Variants in HRH1 observed in about 807,000 individuals in gnomAD.
The protein encoded by HRH1 is histamine H1 receptor.
Under a neutral mutation model 10.3 loss-of-function variants are expected in HRH1, and 6 were observed. That is an observed-to-expected ratio of 0.58 (90% CI 0.32 to 1.15). HRH1 has a LOEUF of 1.15. Ranked by LOEUF, HRH1 falls within the 50% of genes most tolerant of loss-of-function variation. HRH1 has a pLI of 0.05. For synonymous variants in HRH1, 242 were observed against 236.7 expected, an observed-to-expected ratio of 1.02 and a Z score of -0.21; for missense variants, 514 against 615.3, an observed-to-expected ratio of 0.84 and a Z score of 1.74.
intron 1 of HRH1, among the ~76,000 whole-genome samples, chr3:11,219,960 T>G (rs950282170): frequency 4.6e-5 from 7 of 150,828 alleles, no homozygotes; most frequent in East Asian, 3.9e-4. Context: ...GTTTTTTTTT[T>G]TTTTTTTTTT....
At chr3:11,138,373 C>CA (rs1936226500) in intron 1 of HRH1, among the ~76,000 whole-genome samples, 1 of 151,852 alleles carries the variant, frequency 6.6e-6, no homozygotes, top group African/African-American at 2.4e-5. Context: ...ACAACCCAGC[C>CA]AAAAAATGGG....
At chr3:11,169,026 C>T (rs908295096) in intron 1 of HRH1, among the ~76,000 whole-genome samples, 2 of 152,210 alleles carry the variant, frequency 1.3e-5, no homozygotes, top group African/African-American at 2.4e-5. Context: ...GCTGAGCTCT[C>T]GCCTGAACAG....
chr3:11,223,024 A>C (rs1459256003), intron 1 of HRH1, among the ~76,000 whole-genome samples: 3 of 151,718 alleles, frequency 2.0e-5, no homozygotes, highest in African/African-American at 7.3e-5. Flanking sequence ...ACCTCTACTA[A>C]AAATACAAAA....
At chr3:11,184,917 C>T (rs986691153) in intron 1 of HRH1, among the ~76,000 whole-genome samples, 1 of 117,298 alleles carries the variant, frequency 8.5e-6, no homozygotes. Context: ...GACTCCATTT[C>T]AAAAAAAAAA....
intron 1 of HRH1, among the ~76,000 whole-genome samples, chr3:11,256,097 G>A (rs1939773616): frequency 6.6e-6 from 1 of 152,112 alleles, no homozygotes. Flanking sequence ...CTGAGGGGTA[G>A]GTAAGTGAGA....
At chr3:11,249,495 C>T (rs955161552) in intron 1 of HRH1, among the ~76,000 whole-genome samples, 3 of 151,380 alleles carry the variant, frequency 2.0e-5, no homozygotes, top group African/African-American at 7.3e-5. Context: ...GTGAAATATC[C>T]TATAGGGTCT....
chr3:11,233,544 C>T (rs1939097294), intron 1 of HRH1, among the ~76,000 whole-genome samples: 1 of 152,078 alleles, frequency 6.6e-6, no homozygotes, highest in Non-Finnish European at 1.5e-5. Context: ...TGCACCTGAC[C>T]AGACTGAGAG....
chr3:11,246,332 C>T (rs1939488884), intron 1 of HRH1, among the ~76,000 whole-genome samples: 1 of 152,336 alleles, frequency 6.6e-6, no homozygotes, highest in South Asian at 2.1e-4. Context: ...AGAGCACACC[C>T]TCTGTCCAGC....
At chr3:11,155,156 T>C (rs1407514597) in intron 1 of HRH1, among the ~76,000 whole-genome samples, 1 of 152,112 alleles carries the variant, frequency 6.6e-6, no homozygotes, top group Non-Finnish European at 1.5e-5. Flanking sequence ...CAGCGTCACC[T>C]GGAGTCGGGG....
intron 1 of HRH1, among the ~76,000 whole-genome samples, chr3:11,141,639 T>C (rs1420180473): frequency 2.6e-5 from 4 of 152,318 alleles, no homozygotes; most frequent in South Asian, 4.1e-4. Flanking sequence ...ACATGGCAGC[T>C]GGCTTCCCCC....
intron 1 of HRH1, among the ~76,000 whole-genome samples, chr3:11,162,595 C>G (rs1346909162): frequency 1.3e-5 from 2 of 151,872 alleles, no homozygotes; most frequent in African/African-American, 4.8e-5. Flanking sequence ...GATGAGACAA[C>G]TGAGGCTAGA....
chr3:11,142,256 G>A (rs1370808880), intron 1 of HRH1, among the ~76,000 whole-genome samples: 1 of 152,212 alleles, frequency 6.6e-6, no homozygotes, highest in Non-Finnish European at 1.5e-5. Context: ...TGGAGCCTAG[G>A]TCTGTCTCTG....
chr3:11,237,954 G>A (rs59530898), intron 1 of HRH1, among the ~76,000 whole-genome samples: 3,142 of 152,196 alleles, frequency 0.021, 104 homozygotes, highest in African/African-American at 0.069. Context: ...GGGATTGTAG[G>A]CGTGAGCCAC....
intron 1 of HRH1, among the ~76,000 whole-genome samples, chr3:11,236,162 GC>G (rs1575033705): frequency 6.6e-6 from 1 of 152,214 alleles, no homozygotes; most frequent in East Asian, 1.9e-4. Flanking sequence ...TGTTTTAAAA[GC>G]TTTTGACACA....
intron 1 of HRH1, among the ~76,000 whole-genome samples, chr3:11,213,435 T>G (rs1575017038): frequency 6.6e-6 from 1 of 152,228 alleles, no homozygotes; most frequent in East Asian, 1.9e-4. Flanking sequence ...ACAAGTCTGT[T>G]TGTAAGCTTT....
At chr3:11,189,946 T>C (rs140168340) in intron 1 of HRH1, among the ~76,000 whole-genome samples, 1 of 152,048 alleles carries the variant, frequency 6.6e-6, no homozygotes, top group East Asian at 1.9e-4. Context: ...TGAGACTCTG[T>C]TTCAAAAAAA....
At chr3:11,157,970 G>A (rs1375779510) in intron 1 of HRH1, among the ~76,000 whole-genome samples, 2 of 152,222 alleles carry the variant, frequency 1.3e-5, no homozygotes, top group African/African-American at 2.4e-5. Flanking sequence ...CTCTAATAGA[G>A]CAGGCAGCAC....
intron 1 of HRH1, among the ~76,000 whole-genome samples, chr3:11,193,292 T>C (rs969678153): frequency 6.6e-6 from 1 of 151,694 alleles, no homozygotes; most frequent in Non-Finnish European, 1.5e-5. Context: ...TCTGACTCAG[T>C]TGGCAAAATG....
upstream of HRH1, among the ~76,000 whole-genome samples, chr3:11,152,317 C>T (rs568748766): frequency 2.0e-5 from 3 of 152,296 alleles, no homozygotes; most frequent in African/African-American, 7.2e-5. Flanking sequence ...TGCCCTTCTG[C>T]TCCCCAACCC....
Sources: gnomAD v4.1 joint callset for allele counts (sites outside exome capture counted in the v4.1 genomes callset) on GRCh38, gnomAD v4.1.1 for gene constraint, MANE v1.5 for transcripts, NCBI Gene and HGNC (gene_info 2026-07-23, HGNC 2026-07-21) for gene names.